Variants in OCA2 observed in about 807,000 individuals in gnomAD.
OCA2 encodes P protein.
Under a neutral mutation model 100.2 loss-of-function variants are expected in OCA2, and 77 were observed. That is an observed-to-expected ratio of 0.77 (90% CI 0.64 to 0.93). OCA2 has a LOEUF of 0.93. OCA2 is among the 40% of genes least tolerant of loss of function. OCA2 has a pLI of 0.00. For synonymous variants in OCA2, 432 were observed against 439.2 expected, an observed-to-expected ratio of 0.98 and a Z score of 0.21; for missense variants, 1,062 against 1,089.1, an observed-to-expected ratio of 0.98 and a Z score of 0.35.
At chr15:28,096,910 A>G (rs1158227822) in intron 1 of OCA2, among the ~76,000 whole-genome samples, 2 of 151,822 alleles carry the variant, frequency 1.3e-5, no homozygotes, top group East Asian at 3.9e-4. Context: ...GCGCCAGCAA[A>G]CGCGCAGCCG....
At chr15:27,929,041 C>A (rs1473471470) in intron 18 of OCA2, among the ~76,000 whole-genome samples, 1 of 152,188 alleles carries the variant, frequency 6.6e-6, no homozygotes, top group Admixed American at 6.5e-5. Context: ...GGCTTCTGAT[C>A]TATAAACACA....
chr15:27,856,701 A>AACAC lies in OCA2; in HGVS notation c.2245-5230_2245-5227dup, dbSNP rs34330347. On this transcript the variant is annotated intron_variant, in intron 21 of 23. Transcript: ENST00000354638. Reference sequence around the variant, plus strand: ...TACACACACACAAACACACACCCCTAACACACACACACACACACACACACA... The same window carrying AACAC: ...TACACACACACAAACACACACCCCTAACACACACACACACACACACACACACACA... Among the ~76,000 whole-genome samples, 448 of 145,792 alleles carry AACAC rather than the reference A, an allele frequency of 3.1e-3. 2 individuals are homozygous for AACAC. The highest frequency in any genetic ancestry group is 8.2e-3 in the African/African-American group (330 of 40,268).
downstream of OCA2, among the ~76,000 whole-genome samples, chr15:27,750,913 T>A (rs1277000032): frequency 6.6e-6 from 1 of 152,150 alleles, no homozygotes; most frequent in African/African-American, 2.4e-5. Flanking sequence ...ATAAGAAGGA[T>A]GAATGACACA....
the OCA2 span, among the ~76,000 whole-genome samples, chr15:27,720,644 G>A: frequency 0.44 from 66,333 of 151,550 alleles, 16,736 homozygotes; most frequent in African/African-American, 0.71. Context: ...AATTCTGGTG[G>A]CAAAATTAGA....
At chr15:27,939,726 C>G (rs2703950) in intron 18 of OCA2, among the ~76,000 whole-genome samples, 28,181 of 152,204 alleles carry the variant, frequency 0.19, 2,956 homozygotes, top group South Asian at 0.37. Context: ...AATCGTGCCT[C>G]ATTCACAGGT....
chr15:27,982,395 C>T (rs751637988), intron 14 of OCA2, among the ~76,000 whole-genome samples: 5 of 152,168 alleles, frequency 3.3e-5, no homozygotes, highest in Non-Finnish European at 7.3e-5. Context: ...ATAACAGGTG[C>T]CCCTAGCATA....
chr15:28,085,934 G>A (rs2044768492), intron 1 of OCA2, among the ~76,000 whole-genome samples: 1 of 151,720 alleles, frequency 6.6e-6, no homozygotes, highest in Non-Finnish European at 1.5e-5. Context: ...CTGTTCTACT[G>A]CAGCCTAATA....
intron 23 of OCA2, among the ~76,000 whole-genome samples, chr15:27,831,507 G>A (rs2034957398): frequency 6.6e-6 from 1 of 152,202 alleles, no homozygotes; most frequent in Non-Finnish European, 1.5e-5. Flanking sequence ...CCTCCTGGGA[G>A]GCATTCCTGT....
intron 1 of OCA2, among the ~76,000 whole-genome samples, chr15:28,087,472 A>T (rs1359068599): frequency 6.6e-6 from 1 of 152,228 alleles, no homozygotes; most frequent in African/African-American, 2.4e-5. Context: ...AAGGAGAGGC[A>T]TGGTGGTTCA....
chr15:27,779,671 C>T (rs190956140), intron 23 of OCA2, among the ~76,000 whole-genome samples: 1 of 152,284 alleles, frequency 6.6e-6, no homozygotes, highest in Non-Finnish European at 1.5e-5. Flanking sequence ...AAGTGAATCT[C>T]TTATAGACAA....
At chr15:27,847,016 C>A (rs1320826015) in intron 22 of OCA2, among the ~76,000 whole-genome samples, 1 of 152,132 alleles carries the variant, frequency 6.6e-6, no homozygotes, top group East Asian at 1.9e-4. Flanking sequence ...ACCAGAGGGG[C>A]TGCTCTCCCC....
intron 23 of OCA2, among the ~76,000 whole-genome samples, chr15:27,774,045 G>T (rs534935425): frequency 1.3e-5 from 2 of 152,112 alleles, no homozygotes; most frequent in East Asian, 3.9e-4. Flanking sequence ...TTCTATTCAG[G>T]TATATTTTCT....
At chr15:27,845,817 C>T (rs1013048096) in intron 22 of OCA2, among the ~76,000 whole-genome samples, 26 of 152,204 alleles carry the variant, frequency 1.7e-4, no homozygotes, top group African/African-American at 5.5e-4. Context: ...CGCCTTCCAT[C>T]TCCATCTCTC....
At chr15:27,743,346 G>C in the OCA2 span, among the ~76,000 whole-genome samples, 1 of 152,156 alleles carries the variant, frequency 6.6e-6, no homozygotes, top group Non-Finnish European at 1.5e-5. Flanking sequence ...CTTGAGAAGG[G>C]GTGGGGACAG....
the OCA2 span, among the ~76,000 whole-genome samples, chr15:27,723,043 A>T: frequency 6.6e-6 from 1 of 151,840 alleles, no homozygotes; most frequent in African/African-American, 2.4e-5. Flanking sequence ...GGGTTTCACC[A>T]TGTTGGCCAG....
In OCA2 at chr15:27,863,462, G is replaced by A. The variant is rs568911611; in HGVS notation, c.2244+7692C>T. 3.7e-4 allele frequency among the ~76,000 whole-genome samples: 56 copies of A among 152,288 alleles called. 1 individual carries two copies. The highest frequency in any genetic ancestry group is 5.1e-4 in the Non-Finnish European group (35 of 68,016). On this transcript the variant is annotated intron_variant, in intron 21 of 23. Coordinates refer to ENST00000354638, the MANE Select transcript of OCA2 (RefSeq NM_000275.3). ...CAGCACTTCTCCAATGCCAATGTGT[G>A]GAGTGGGTCACCCGGCACCTTGTCC... is the stretch of plus-strand genomic sequence containing the variant.
chr15:27,790,578 CA>C (rs1001601979), intron 23 of OCA2, among the ~76,000 whole-genome samples: 3 of 151,200 alleles, frequency 2.0e-5, no homozygotes, highest in South Asian at 2.1e-4. Flanking sequence ...ACTATAGGGA[CA>C]AAAAAAAGAC....
chr15:27,982,552 G>C (rs1222081996), intron 14 of OCA2, among the ~76,000 whole-genome samples: 1 of 152,154 alleles, frequency 6.6e-6, no homozygotes, highest in African/African-American at 2.4e-5. Flanking sequence ...AGAACCTCTG[G>C]AGCGCACTGC....
Position 27,793,225 on chromosome 15 carries a change from G to A in OCA2, c.2433-37753C>T, listed in dbSNP as rs114757676. ...TCCAATTGGACCAGAAAAGTATCACGTATGTAGCTCAGCTAGGTTTCAGAG... is the reference window on the plus strand; with the variant it reads ...TCCAATTGGACCAGAAAAGTATCACATATGTAGCTCAGCTAGGTTTCAGAG... On this transcript the variant is annotated intron_variant, in intron 23 of 23. Coordinates refer to ENST00000354638, the MANE Select transcript of OCA2 (RefSeq NM_000275.3). 3.0e-3 allele frequency among the ~76,000 whole-genome samples: 451 copies of A among 152,280 alleles called. 6 individuals carry two copies. The highest frequency in any genetic ancestry group is 0.01 in the African/African-American group (421 of 41,550).
Sources: allele counts gnomAD v4.1 joint callset (sites outside exome capture counted in the v4.1 genomes callset), GRCh38; gene constraint gnomAD v4.1.1; transcripts MANE v1.5; gene names NCBI Gene and HGNC (gene_info 2026-07-23, HGNC 2026-07-21).